Variants in THTPA observed in about 807,000 individuals in gnomAD.
THTPA encodes the protein thiamine-triphosphatase.
THTPA carries 16 observed loss-of-function variants against 16.5 expected under a neutral mutation model. The ratio of observed to expected loss-of-function variants is 0.97; its 90% CI spans 0.66 to 1.47. The LOEUF is 1.47. THTPA is among the 40% of genes most tolerant of loss of function. THTPA has a pLI of 0.00. For synonymous variants in THTPA, 110 were observed against 115.5 expected (o/e 0.95, Z 0.30); for missense variants, 281 against 280.9 (o/e 1.00, Z 0.00).
chr14:23,557,432 T>C, intron 1 of THTPA, 128 bp downstream of exon 1: 1 of 1,026,364 alleles, frequency 9.7e-7, no homozygotes, highest in Non-Finnish European at 1.4e-6. Flanking sequence ...GACAAGGTTT[T>C]GCCGTGTTGC....
chr14:23,529,809 C>T, the THTPA span: 1 of 1,524,092 alleles, frequency 6.6e-7, no homozygotes, highest in Admixed American at 2.0e-5. Context: ...CCCTGACAGC[C>T]CTCAAGATGA....
the THTPA span, chr14:23,523,758 C>T: frequency 6.5e-7 from 1 of 1,536,232 alleles, no homozygotes; most frequent in Non-Finnish European, 8.7e-7. This position sits in a 1 kb window ranked among gnomAD's most constrained non-coding sequence, Gnocchi z 4.1. Flanking sequence ...TGCCCCATTC[C>T]ATCTGGAACC....
the THTPA span, chr14:23,524,874 T>G: frequency 1.3e-6 from 2 of 1,536,370 alleles, no homozygotes; most frequent in African/African-American, 2.7e-5. This position sits in a 1 kb window ranked among gnomAD's most constrained non-coding sequence, Gnocchi z 5.6. Context: ...TAGCACTTCT[T>G]GAGGTGGCGC....
chr14:23,530,206 G>T, the THTPA span: 1,354 of 1,521,230 alleles, frequency 8.9e-4, 7 homozygotes, highest in African/African-American at 0.015. Flanking sequence ...TGTGTAGGAT[G>T]GGGGGAGAGT....
chr14:23,523,890 G>A, the THTPA span: 3 of 1,536,096 alleles, frequency 2.0e-6, no homozygotes, highest in South Asian at 1.2e-5. This position sits in a 1 kb window ranked among gnomAD's most constrained non-coding sequence, Gnocchi z 4.1. Flanking sequence ...TCACTCTCTG[G>A]AGAAGCTTTA....
chr14:23,526,113 G>C, the THTPA span: 3 of 1,536,448 alleles, frequency 2.0e-6, no homozygotes, highest in South Asian at 1.2e-5. Context: ...TTGGTTCCCC[G>C]AGAGCGAGTC....
rs1238773905 is a variant in THTPA, at chr14:23,559,604, T to C, written c.*764T>C. ...CTTCTCAGGCTTTATTGGGCTTTAT[T>C]TGTGGGAGAAGGGGGCTGGTCCCCA... On this transcript the variant is annotated 3_prime_UTR_variant, in exon 2 of 2. Transcript: ENST00000288014. The C allele has an allele frequency of 1.5e-6, 1 of 676,240 alleles. No individual in the cohort carries two copies. The allele number at this position is 676,240 out of a possible 1,614,324, so 41.9% of individuals were successfully genotyped here.
chr14:23,524,265 C>G, the THTPA span: 3 of 1,536,372 alleles, frequency 2.0e-6, no homozygotes, highest in Non-Finnish European at 2.6e-6. This position sits in a 1 kb window ranked among gnomAD's most constrained non-coding sequence, Gnocchi z 5.6. Context: ...AGCCCCACCT[C>G]CTCGGAGATG....
the THTPA span, chr14:23,533,964 C>T: frequency 5.3e-5 from 82 of 1,537,654 alleles, no homozygotes; most frequent in Non-Finnish European, 6.4e-5. The surrounding 1 kb of genome is among the most constrained non-coding windows in gnomAD (Gnocchi z 4.8). Flanking sequence ...ACTTGGGACA[C>T]TTGAGTGTCT....
chr14:23,533,652 C>A, the THTPA span: 8 of 1,536,974 alleles, frequency 5.2e-6, no homozygotes, highest in Non-Finnish European at 6.1e-6. This position sits in a 1 kb window ranked among gnomAD's most constrained non-coding sequence, Gnocchi z 4.8. Context: ...CTTTGTCTCC[C>A]GCGGAGGGTG....
the THTPA span, chr14:23,521,894 C>T: frequency 6.6e-7 from 1 of 1,521,316 alleles, no homozygotes; most frequent in Non-Finnish European, 8.8e-7. Flanking sequence ...TGAGCTCCCA[C>T]CGAACACCCC....
upstream of THTPA, among the ~76,000 whole-genome samples, chr14:23,555,528 CTT>C (rs959757107): frequency 6.6e-6 from 1 of 152,172 alleles, no homozygotes; most frequent in African/African-American, 2.4e-5. Flanking sequence ...ACCATCATAT[CTT>C]TAGTTCCTGG....
At chr14:23,552,179 C>CT (rs1304327078), upstream of THTPA, among the ~76,000 whole-genome samples, 14 of 152,072 alleles carry the variant, frequency 9.2e-5, no homozygotes, top group African/African-American at 3.4e-4. Flanking sequence ...ACTCTTTAGT[C>CT]TCTGAGAGCT....
chr14:23,524,661 C>T, the THTPA span: 3 of 1,536,162 alleles, frequency 2.0e-6, no homozygotes, highest in African/African-American at 1.4e-5. The surrounding 1 kb of genome is among the most constrained non-coding windows in gnomAD (Gnocchi z 5.6). Context: ...GATGGAGTAG[C>T]CTTCTCTTCA....
chr14:23,534,192 C>A, the THTPA span: 3 of 1,480,954 alleles, frequency 2.0e-6, no homozygotes, highest in South Asian at 4.0e-5. The surrounding 1 kb of genome is among the most constrained non-coding windows in gnomAD (Gnocchi z 4.5). Flanking sequence ...CCTCTTCTTG[C>A]CCCTCAGGGA....
At chr14:23,526,323 A>G in the THTPA span, 1 of 1,536,204 alleles carries the variant, frequency 6.5e-7, no homozygotes, top group Non-Finnish European at 8.7e-7. Flanking sequence ...TAATGAACCA[A>G]CAGAATATTC....
the THTPA span, among the ~76,000 whole-genome samples, chr14:23,541,114 C>G: frequency 6.6e-6 from 1 of 151,850 alleles, no homozygotes; most frequent in South Asian, 2.1e-4. Flanking sequence ...CCATGTTGGC[C>G]AGGCTGGTCT....
the THTPA span, among the ~76,000 whole-genome samples, chr14:23,517,239 A>G: frequency 2.6e-5 from 4 of 152,168 alleles, no homozygotes; most frequent in South Asian, 2.1e-4. Flanking sequence ...ACGCAATTTT[A>G]TCTTCTTCCC....
chr14:23,522,822 T>C, the THTPA span: 43 of 1,535,452 alleles, frequency 2.8e-5, 2 homozygotes, highest in East Asian at 7.8e-4. Context: ...GTGGAGGTGT[T>C]GGTTTGGTCG....
Sources: allele counts gnomAD v4.1 joint callset (sites outside exome capture counted in the v4.1 genomes callset), GRCh38; gene constraint gnomAD v4.1.1; non-coding constraint Gnocchi (gnomAD v3.1); transcripts MANE v1.5; gene names NCBI Gene and HGNC (gene_info 2026-07-23, HGNC 2026-07-21).